The following CMIP variants were observed in gnomAD, a reference collection of about 807,000 sequenced individuals.
CMIP encodes the protein c-Maf inducing protein.
A neutral mutation model predicts 97.3 loss-of-function variants in CMIP; 13 were observed. The observed-to-expected ratio is 0.13, with a 90% CI of 0.09 to 0.21. The LOEUF (loss-of-function observed/expected upper bound fraction) is 0.21. Among genes scored for constraint, CMIP ranks in the 10% least tolerant of loss-of-function variants. CMIP has a pLI of 1.00. For synonymous variants in CMIP, 538 were observed against 436.3 expected (o/e 1.23, Z -2.91); for missense variants, 847 against 1,024.9 (o/e 0.83, Z 2.37).
At chr16:81,675,398 T>C (rs1157983300) in intron 9 of CMIP, among the ~76,000 whole-genome samples, 2 of 149,852 alleles carry the variant, frequency 1.3e-5, no homozygotes, top group Admixed American at 1.3e-4. Flanking sequence ...TTTGTATTTT[T>C]AGTAGAGATG....
chr16:81,511,537 C>T (rs1392339502), intron 1 of CMIP, among the ~76,000 whole-genome samples: 2 of 152,178 alleles, frequency 1.3e-5, no homozygotes, highest in Non-Finnish European at 1.5e-5. Flanking sequence ...CCTGTATTTC[C>T]TGTAGATTTC....
intron 13 of CMIP, chr16:81,696,242 TG>T (rs1208389446): frequency 4.6e-5 from 20 of 435,148 alleles, no homozygotes; most frequent in Non-Finnish European, 8.3e-5. Context: ...TGTGGGCGGT[TG>T]CTCTGGGCAT....
In CMIP at chr16:81,445,088, A is replaced by AGCGCCCCCTCCCCTGCGG; in HGVS notation, c.-145_-128dup. 2 of 281,638 alleles carry AGCGCCCCCTCCCCTGCGG rather than the reference A, an allele frequency of 7.1e-6. No homozygotes were observed. Among genetic ancestry groups the AGCGCCCCCTCCCCTGCGG allele is most frequent in the Admixed American group, 1.1e-4 (2 of 18,784 alleles). 17.4% of individuals were successfully genotyped at this position (281,638 alleles called of 1,614,324 possible). On this transcript the variant is annotated 5_prime_UTR_variant, in exon 1 of 21. Coordinates refer to ENST00000537098, the MANE Select transcript of CMIP (RefSeq NM_198390.3). ...GCCGCACGCGCCGCCCCCCGCGGGC[A>AGCGCCCCCTCCCCTGCGG]GCGCCCCCTCCCCTGCGGGCGCCCC...
chr16:81,646,103 G>A (rs2092361483), intron 3 of CMIP, among the ~76,000 whole-genome samples: 1 of 151,328 alleles, frequency 6.6e-6, no homozygotes, highest in Admixed American at 6.6e-5. Flanking sequence ...ATGAATGGAT[G>A]ATGAGGTGGG....
In CMIP at chr16:81,670,180, G is replaced by A. The variant is rs2092668621; in HGVS notation, c.864G>A (p.Gln288=). 1.1e-5 allele frequency: 18 copies of A among 1,611,496 alleles called. No homozygotes were observed. Among genetic ancestry groups the A allele is most frequent in the Non-Finnish European group, 1.5e-5 (18 of 1,179,072 alleles). The change falls in exon 8 of 21, where the codon CAG becomes CAA. Residue 288 remains glutamine, a synonymous_variant. Transcript: ENST00000537098. ...GCCCGCGACTGAGGCTGTTTACTCAGGAGTACATCCTTGCCTTGAACGAGC... is the reference window on the plus strand; with the variant it reads ...GCCCGCGACTGAGGCTGTTTACTCAAGAGTACATCCTTGCCTTGAACGAGC... ...GKCPRLRLFT[Q]EYILALNELN... is the part of the protein sequence containing the mutation.
chr16:81,472,003 G>A (rs2150747667), intron 1 of CMIP, among the ~76,000 whole-genome samples: 1 of 152,276 alleles, frequency 6.6e-6, no homozygotes, highest in South Asian at 2.1e-4. Flanking sequence ...CAGCTCAGGG[G>A]GCACTGCTGC....
chr16:81,652,416 A>AT lies in CMIP; in HGVS notation c.639+53dup, dbSNP rs1597199894. On this transcript the variant is annotated intron_variant, in intron 4 of 20. Coordinates refer to ENST00000537098, the MANE Select transcript of CMIP (RefSeq NM_198390.3). The surrounding 1 kb of genome is among the most constrained non-coding windows in gnomAD (Gnocchi z 5.2). ...ACATTGTTTGCCTTTCCCTCCACCG[A>AT]TCACCGGCTCCATGCCAAGCAGCAG... The AT allele has an allele frequency of 8.8e-6, 13 of 1,485,554 alleles. No homozygotes were observed. The highest frequency in any genetic ancestry group is 1.1e-5 in the Non-Finnish European group (12 of 1,079,850). The allele number at this position is 1,485,554 out of a possible 1,614,324, so 92.0% of individuals were successfully genotyped here.
At chr16:81,553,701 C>T (rs2090706439) in intron 1 of CMIP, among the ~76,000 whole-genome samples, 1 of 152,364 alleles carries the variant, frequency 6.6e-6, no homozygotes, top group South Asian at 2.1e-4. Context: ...TGCCAGATGC[C>T]ATTTGTGTTT....
intron 7 of CMIP, among the ~76,000 whole-genome samples, chr16:81,668,031 C>A (rs577829183): frequency 2.0e-5 from 3 of 151,680 alleles, no homozygotes; most frequent in African/African-American, 7.3e-5. Flanking sequence ...TGGGAGCCTG[C>A]GGGAGGGAGT....
rs1050922791 is a variant in CMIP, at chr16:81,614,720, C to T, written c.427-6156C>T. Among the ~76,000 whole-genome samples, 3 of 150,096 alleles carry T rather than the reference C, an allele frequency of 2.0e-5. No individual in the cohort carries two copies. Among genetic ancestry groups the T allele is most frequent in the South Asian group, 2.1e-4 (1 of 4,702 alleles). On this transcript the variant is annotated intron_variant, in intron 2 of 20. Coordinates refer to ENST00000537098, the MANE Select transcript of CMIP (RefSeq NM_198390.3). This position sits in a 1 kb window ranked among gnomAD's most constrained non-coding sequence, Gnocchi z 5.3. Reference sequence around the variant, plus strand: ...TGTATGGTATGTCTGCATGTGTGTGCGTACACATGTGTGTCTCTGTGAGTG... The same window carrying T: ...TGTATGGTATGTCTGCATGTGTGTGTGTACACATGTGTGTCTCTGTGAGTG...
At chr16:81,688,222 G>GT (rs1905634299) in intron 10 of CMIP, among the ~76,000 whole-genome samples, 1 of 149,090 alleles carries the variant, frequency 6.7e-6, no homozygotes, top group Non-Finnish European at 1.5e-5. Context: ...CTCGGAGTGG[G>GT]TAACTGACCT....
At chr16:81,523,670 C>G (rs2090073183) in intron 1 of CMIP, among the ~76,000 whole-genome samples, 2 of 152,238 alleles carry the variant, frequency 1.3e-5, no homozygotes, top group African/African-American at 4.8e-5. Context: ...AGAACGAAGT[C>G]TGGAAAAGAA....
rs527904475 is a variant in CMIP, at chr16:81,677,374, C to T, written c.1035-901C>T. ...TCTTTCCTCACCTGTGGCACAGAGA[C>T]GGTCGGAATCACTGTTCAGTGATGT... On this transcript the variant is annotated intron_variant, in intron 9 of 20. Transcript: ENST00000537098. Among the ~76,000 whole-genome samples, 22 of 152,230 alleles carry T rather than the reference C, an allele frequency of 1.4e-4. No homozygotes were observed. In the South Asian group the frequency reaches 3.7e-3, roughly 26 times the overall value.
intron 14 of CMIP, chr16:81,696,870 GCCAAGCA>G: frequency 1.7e-6 from 1 of 599,450 alleles, no homozygotes; most frequent in Non-Finnish European, 2.9e-6. Context: ...GAGGCTCCAA[GCCAAGCA>G]CTTGGCTTTC....
chr16:81,556,474 T>C (rs2090766327), intron 1 of CMIP, among the ~76,000 whole-genome samples: 1 of 152,240 alleles, frequency 6.6e-6, no homozygotes, highest in African/African-American at 2.4e-5. Context: ...GTGAAGGTTG[T>C]GATTTCTCCA....
At position 81,605,250 on chromosome 16, in the gene CMIP, A is replaced by T. The variant is rs1031628370; in HGVS notation, c.301-2317A>T. The stretch of plus-strand genomic sequence containing the variant: ...CGAGTGTGACTTTGAGGCACGCTGC[A>T]TAAAGAGAACCTTCTTGGGTGACAC... On this transcript the variant is annotated intron_variant, in intron 1 of 20. Transcript: ENST00000537098. Among the ~76,000 whole-genome samples, 3 of 152,240 alleles carry T rather than the reference A, an allele frequency of 2.0e-5. No individual in the cohort carries two copies. The East Asian group carries it at 5.8e-4, about 29-fold the overall frequency.
At chr16:81,588,385 C>G (rs74031209) in intron 1 of CMIP, among the ~76,000 whole-genome samples, 140 of 152,288 alleles carry the variant, frequency 9.2e-4, no homozygotes, top group African/African-American at 3.1e-3. Context: ...CCAGTTGATT[C>G]TCTGAAGGCA....
chr16:81,509,762 G>A (rs2089776693), intron 1 of CMIP, among the ~76,000 whole-genome samples: 1 of 152,186 alleles, frequency 6.6e-6, no homozygotes, highest in Non-Finnish European at 1.5e-5. Context: ...TGCCCCAGCT[G>A]CACATCCTTG....
At chr16:81,476,649 A>G (rs1907941479) in intron 1 of CMIP, 1 of 388,840 alleles carries the variant, frequency 2.6e-6, no homozygotes, top group Non-Finnish European at 4.9e-6. Flanking sequence ...TAGTTTGCTT[A>G]CTTTCTGTAT....
Sources: allele counts gnomAD v4.1 joint callset (sites outside exome capture counted in the v4.1 genomes callset), GRCh38; gene constraint gnomAD v4.1.1; non-coding constraint Gnocchi (gnomAD v3.1); transcripts MANE v1.5; gene names NCBI Gene and HGNC (gene_info 2026-07-23, HGNC 2026-07-21).